ALKBH4: variants seen among roughly 807,000 people sequenced by gnomAD.
ALKBH4 encodes alpha-ketoglutarate-dependent dioxygenase alkB homolog 4.
Under a neutral mutation model 12.1 loss-of-function variants are expected in ALKBH4, and 8 were observed. That is an observed-to-expected ratio of 0.66 (90% CI 0.39 to 1.19). ALKBH4 has a LOEUF of 1.19. ALKBH4 is among the 50% of genes most tolerant of loss of function. ALKBH4 has a pLI of 0.01. For missense variants in ALKBH4, 403 were observed against 430.4 expected (o/e 0.94, Z 0.56); for synonymous variants, 195 against 191.6 (o/e 1.02, Z -0.15).
At chr7:102,460,594 GT>G (rs1797772390) in intron 1 of ALKBH4, among the ~76,000 whole-genome samples, 1 of 152,188 alleles carries the variant, frequency 6.6e-6, no homozygotes, top group Non-Finnish European at 1.5e-5. Context: ...TGTACAACAT[GT>G]TTTTCCTTCT....
intron 1 of ALKBH4, among the ~76,000 whole-genome samples, chr7:102,460,907 A>G (rs1797780323): frequency 6.6e-6 from 1 of 151,920 alleles, no homozygotes; most frequent in African/African-American, 2.4e-5. Context: ...TCCTCAGGGC[A>G]CCTTTCCAGA....
chr7:102,462,056 C>T (rs1797810308), intron 1 of ALKBH4, among the ~76,000 whole-genome samples: 1 of 152,252 alleles, frequency 6.6e-6, no homozygotes, highest in South Asian at 2.1e-4. Context: ...CCTCCTGCTC[C>T]TGGGGCCCTC....
chr7:102,459,849 G>A (rs373266299), intron 1 of ALKBH4, 48 bp from the exon 2 acceptor site: 37 of 1,518,636 alleles, frequency 2.4e-5, no homozygotes, highest in Non-Finnish European at 2.8e-5. Flanking sequence ...AGCGAGACCC[G>A]GTCCCTACGA....
At position 102,457,637 on chromosome 7, in the gene ALKBH4, G is replaced by A. The variant is rs1352458026; in HGVS notation, c.666C>T (p.Ser222=). The part of the protein sequence containing the change: ...EALVDSVIAP[S]RSVLCQEVEV... ...CCACCTCCTGGCATAGCACCGACCG[G>A]CTGGGTGCTATCACGCTGTCCACCA... The change falls in exon 3 of 3, where the codon AGC becomes AGT. Residue 222 remains serine (S), a synonymous_variant. Transcript: ENST00000292566. The surrounding 1 kb of genome is among the most constrained non-coding windows in gnomAD (Gnocchi z 5.9). The A allele has an allele frequency of 1.3e-6, 2 of 1,582,314 alleles. No homozygotes were observed. Among genetic ancestry groups the A allele is most frequent in the Non-Finnish European group, 1.7e-6 (2 of 1,170,476 alleles).
rs972013974 is a variant in ALKBH4, at chr7:102,459,163, A to C, written c.321+441T>G. Among the ~76,000 whole-genome samples the C allele has an allele frequency of 4.2e-3, 638 of 151,686 alleles. 4 individuals carry two copies. The highest frequency in any genetic ancestry group is 0.014 in the African/African-American group (599 of 41,356). On this transcript the variant is annotated intron_variant, in intron 2 of 2. Coordinates refer to ENST00000292566, the MANE Select transcript of ALKBH4 (RefSeq NM_017621.4). ...TCTGTCTCAAAAAAAAAAAAAAAAA[A>C]AACCTACAATGAAGGGAGAGGGGGC...
Position 102,457,562 on chromosome 7 carries a change from C to T in ALKBH4, c.741G>A (p.Ala247=), listed in dbSNP as rs112279537. 24 of 1,610,740 alleles carry T rather than the reference C, an allele frequency of 1.5e-5. No homozygotes were observed. Among genetic ancestry groups the T allele is most frequent in the Middle Eastern group, 1.6e-4 (1 of 6,062 alleles). ...PARSLLVLTG[A]ARHQWKHAIH... ...TGGCATGCTTCCACTGGTGCCGTGC[C>T]GCCCCGGTGAGGACCAGCAGGGAGC... The change falls in exon 3 of 3, where the codon GCG becomes GCA. Residue 247 remains alanine, a synonymous_variant. Transcript: ENST00000292566. The surrounding 1 kb of genome is among the most constrained non-coding windows in gnomAD (Gnocchi z 5.9).
Position 102,464,820 on chromosome 7 carries a change from G to A in ALKBH4, c.17C>T (p.Ala6Val). The change falls in exon 1 of 3, where the codon GCC becomes GTC. Residue 6 changes from alanine (A) to valine (V), a missense_variant. Ala to Val is a moderately conservative substitution (Grantham distance 64, BLOSUM62 0). Transcript: ENST00000292566. The part of the protein sequence containing the change: MAAAA[A>V]ETPEVLRECG... ...TTCCCGAAGGACTTCGGGGGTCTCGGCGGCAGCCGCCGCCATCGCGCCGTC... is the reference window on the plus strand; with the variant it reads ...TTCCCGAAGGACTTCGGGGGTCTCGACGGCAGCCGCCGCCATCGCGCCGTC... 6.5e-7 allele frequency: 1 copy of A among 1,531,198 alleles called. No individual in the cohort carries two copies. Among genetic ancestry groups the A allele is most frequent in the Non-Finnish European group, 8.7e-7 (1 of 1,144,566 alleles). 94.9% of individuals were successfully genotyped at this position (1,531,198 alleles called of 1,614,324 possible).
intron 2 of ALKBH4, among the ~76,000 whole-genome samples, chr7:102,459,163 A>AC (rs1291112798): frequency 2.0e-5 from 3 of 151,572 alleles, no homozygotes; most frequent in African/African-American, 7.3e-5. Context: ...AAAAAAAAAA[A>AC]AACCTACAAT....
At chr7:102,458,659 G>T (rs1210593343) in intron 2 of ALKBH4, among the ~76,000 whole-genome samples, 1 of 151,182 alleles carries the variant, frequency 6.6e-6, no homozygotes, top group African/African-American at 2.4e-5. Context: ...GATCGCTAGA[G>T]CCTGGGGGGT....
At chr7:102,459,475 TG>T in intron 2 of ALKBH4, 128 bp downstream of exon 2, 1 of 1,191,344 alleles carries the variant, frequency 8.4e-7, no homozygotes, top group Non-Finnish European at 1.2e-6. Context: ...CCCCAAGGTC[TG>T]GGGAACTCGC....
intron 1 of ALKBH4, among the ~76,000 whole-genome samples, chr7:102,461,193 C>T (rs538770730): frequency 1.6e-4 from 25 of 151,996 alleles, no homozygotes; most frequent in East Asian, 1.6e-3. Context: ...AAAAACTAGC[C>T]GGGCGTCGTG....
chr7:102,458,736 C>A (rs76866483), intron 2 of ALKBH4, among the ~76,000 whole-genome samples: 353 of 129,078 alleles, frequency 2.7e-3, no homozygotes, highest in East Asian at 4.1e-3. Flanking sequence ...GACCCTGTCT[C>A]AAAAAAAAAA....
intron 1 of ALKBH4, among the ~76,000 whole-genome samples, chr7:102,462,715 C>T (rs963803214): frequency 3.3e-5 from 5 of 152,056 alleles, no homozygotes; most frequent in African/African-American, 4.8e-5. Context: ...GTTGTACAGC[C>T]GTCACCACCA....
Position 102,457,252 on chromosome 7 carries a change from C to G in ALKBH4, c.*142G>C. On this transcript the variant is annotated 3_prime_UTR_variant, in exon 3 of 3. Coordinates refer to ENST00000292566, the MANE Select transcript of ALKBH4 (RefSeq NM_017621.4). This position sits in a 1 kb window ranked among gnomAD's most constrained non-coding sequence, Gnocchi z 5.9. ...CCTGGAGGTACGTTCCCATCAAAAC[C>G]TGCTCCTGGGCAGGGCTCACACTGC... 2.0e-6 allele frequency: 2 copies of G among 983,800 alleles called. No homozygotes were observed. The highest frequency in any genetic ancestry group is 3.0e-6 in the Non-Finnish European group (2 of 676,830). The allele number at this position is 983,800 out of a possible 1,614,324, so 60.9% of individuals were successfully genotyped here.
At chr7:102,463,018 C>T (rs1333102506) in intron 1 of ALKBH4, among the ~76,000 whole-genome samples, 1 of 136,374 alleles carries the variant, frequency 7.3e-6, no homozygotes, top group Non-Finnish European at 1.5e-5. Context: ...AGTGCAGTGG[C>T]GTGATCACAG....
At chr7:102,459,832 G>A (rs762938174) in intron 1 of ALKBH4, 31 bp from the exon 2 acceptor site, 1 of 1,556,844 alleles carries the variant, frequency 6.4e-7, no homozygotes, top group Admixed American at 1.9e-5. Context: ...CACAGGCTGG[G>A]CAACACAGCG....
At chr7:102,459,118 C>G (rs1402291940) in intron 2 of ALKBH4, among the ~76,000 whole-genome samples, 1 of 148,868 alleles carries the variant, frequency 6.7e-6, no homozygotes, top group Admixed American at 6.7e-5. Context: ...TGTACTCCAG[C>G]CTGGGTGGCA....
At chr7:102,463,226 C>T (rs548992938) in intron 1 of ALKBH4, among the ~76,000 whole-genome samples, 40 of 151,560 alleles carry the variant, frequency 2.6e-4, no homozygotes, top group Non-Finnish European at 3.8e-4. Flanking sequence ...GCTGGAATTA[C>T]AGGTGTGAGC....
intron 1 of ALKBH4, among the ~76,000 whole-genome samples, chr7:102,460,440 T>G (rs77058203): frequency 3.2e-4 from 49 of 151,844 alleles, no homozygotes; most frequent in Non-Finnish European, 5.9e-5. Context: ...CTCAGGACAC[T>G]GTGGAAGGCA....
Sources: gnomAD v4.1 joint callset for allele counts (sites outside exome capture counted in the v4.1 genomes callset) on GRCh38, gnomAD v4.1.1 for gene constraint, Gnocchi (gnomAD v3.1) non-coding constraint, MANE v1.5 for transcripts, NCBI Gene and HGNC (gene_info 2026-07-23, HGNC 2026-07-21) for gene names.